DOT1L: variants seen among roughly 807,000 people sequenced by gnomAD.
DOT1L encodes the protein histone-lysine N-methyltransferase, H3 lysine-79 specific.
DOT1L carries 33 observed loss-of-function variants against 153.3 expected under a neutral mutation model. That is an observed-to-expected ratio of 0.22 (90% CI 0.16 to 0.29). DOT1L has a LOEUF of 0.29. Among genes scored for constraint, DOT1L ranks in the 10% least tolerant of loss-of-function variants. DOT1L has a pLI of 1.00. For missense variants in DOT1L, 1,847 were observed against 2,119.9 expected, an observed-to-expected ratio of 0.87 and a Z score of 2.53; for synonymous variants, 1,135 against 965.1, an observed-to-expected ratio of 1.18 and a Z score of -3.26.
In DOT1L at chr19:2,216,345, T is replaced by C; in HGVS notation, c.1988T>C (p.Val663Ala). The change falls in exon 20 of 28, where the codon GTG becomes GCG. Residue 663 changes from valine to alanine, a missense_variant. Physicochemically the swap from Val to Ala is moderately conservative, Grantham distance 64. Around this residue, in one of 8 missense-constraint regions of DOT1L, gnomAD observed 156 missense variants for 235.7 expected, o/e 0.66. Transcript: ENST00000398665. ...GAGCTCCTGCAGCTCAAGTCCTGTG[T>C]GCCGCCTGACGACGCCCTGTCCCTG... is the stretch of plus-strand genomic sequence containing the variant. ...QQELLQLKSC[V>A]PPDDALSLHL... 1 of 1,608,456 alleles carries C rather than the reference T, an allele frequency of 6.2e-7. No homozygotes were observed. The highest frequency in any genetic ancestry group is 8.5e-7 in the Non-Finnish European group (1 of 1,176,678).
At chr19:2,176,758 C>T (rs149883047) in intron 1 of DOT1L, among the ~76,000 whole-genome samples, 5 of 152,328 alleles carry the variant, frequency 3.3e-5, no homozygotes, top group Admixed American at 1.3e-4. Context: ...TTTGAGACAG[C>T]GACTCCCTGT....
At position 2,211,141 on chromosome 19, in the gene DOT1L, C is replaced by A; in HGVS notation, c.1394C>A (p.Pro465Gln). 1 of 1,613,060 alleles carries A rather than the reference C, an allele frequency of 6.2e-7. No individual in the cohort carries two copies. Among genetic ancestry groups the A allele is most frequent in the African/African-American group, 1.3e-5 (1 of 75,058 alleles). Residue 465 changes from proline (P) to glutamine (Q), a missense_variant, in exon 15 of 28, where the codon CCG becomes CAG. By Grantham distance (76) the Pro-to-Gln change is moderately conservative. Around this residue, in one of 8 missense-constraint regions of DOT1L, gnomAD observed 205 missense variants for 203.1 expected, o/e 1.01. Transcript: ENST00000398665. ...CACAGCCCGTTCTACCAGCTACCTC[C>A]GAGCGTGCAGCGGCACTCCCCCAAC... ...SPHSPFYQLP[P>Q]SVQRHSPNPL...
At position 2,218,449 on chromosome 19, in the gene DOT1L, A is replaced by G. The variant is rs181074474; in HGVS notation, c.2691+531A>G. Among the ~76,000 whole-genome samples, 80 of 152,204 alleles carry G rather than the reference A, an allele frequency of 5.3e-4. 2 individuals carry two copies. In the East Asian group the frequency reaches 0.015, roughly 29 times the overall value. ...CACTCTGTCGCCCAGGCTGGAGTGC[A>G]GTGGTGCGATCTCGGCTCACTGCAA... On this transcript the variant is annotated intron_variant, in intron 22 of 27. Coordinates refer to ENST00000398665, the MANE Select transcript of DOT1L (RefSeq NM_032482.3).
chr19:2,216,619 C>T lies in DOT1L; in HGVS notation c.2262C>T (p.His754=), dbSNP rs753524687. The T allele has an allele frequency of 1.7e-5, 27 of 1,606,518 alleles. No homozygotes were observed. In the South Asian group the frequency reaches 1.9e-4, roughly 11 times the overall value. The change falls in exon 20 of 28, where the codon CAC becomes CAT. Residue 754 remains histidine, a synonymous_variant. Transcript: ENST00000398665. ...AGGTGGTGCCCTGTACCCCTAGCCA[C>T]GTCGGCCGGCCGCGCCTGGAGAAGC... is the stretch of plus-strand genomic sequence containing the variant. ...DQEVVPCTPS[H]VGRPRLEKLS...
rs372611602 is a variant in DOT1L, at chr19:2,213,934, C to T, written c.1745C>T (p.Ser582Leu). The T allele has an allele frequency of 8.1e-5, 131 of 1,612,906 alleles. No individual in the cohort carries two copies. Among genetic ancestry groups the T allele is most frequent in the Admixed American group, 1.0e-4 (6 of 60,006 alleles). The change falls in exon 18 of 28, where the codon TCG (serine) becomes TTG (leucine). Residue 582 changes from serine to leucine, a missense_variant. By Grantham distance (145) the Ser-to-Leu change is moderately radical. Coordinates refer to ENST00000398665, the MANE Select transcript of DOT1L (RefSeq NM_032482.3). ...CATAACCAGCAGCTGCGGGAGCAGT[C>T]GGAGCAGCTGGAGCAGGACAACCGC... ...SAHNQQLREQSEQLEQDNRAL... is the reference protein window; with the variant it reads ...SAHNQQLREQLEQLEQDNRAL...
intron 25 of DOT1L, among the ~76,000 whole-genome samples, chr19:2,224,148 G>A (rs2024233241): frequency 1.3e-5 from 2 of 152,232 alleles, no homozygotes; most frequent in South Asian, 2.1e-4. Context: ...TGTCGTGGCT[G>A]GGTGGTGCTC....
chr19:2,216,176 C>A (rs62119661), intron 19 of DOT1L, 105 bp from the exon 20 acceptor site: 52,642 of 1,457,288 alleles, frequency 0.036, 1,151 homozygotes, highest in Non-Finnish European at 0.043. Flanking sequence ...CCCACACAAG[C>A]AGCGGGGGTC....
In DOT1L at chr19:2,231,850, TCCTGCCCACGCA is replaced by T; in HGVS notation, c.*2059_*2070del. 1 of 219,894 alleles carries T rather than the reference TCCTGCCCACGCA, an allele frequency of 4.5e-6. No individual in the cohort carries two copies. Among genetic ancestry groups the T allele is most frequent in the South Asian group, 1.8e-4 (1 of 5,414 alleles). 13.6% of individuals were successfully genotyped at this position (219,894 alleles called of 1,614,324 possible). ...GGTCCTGCAGATGGCCATGCAGGGC[TCCTGCCCACGCA>T]GGCCACCGTATGTTCAGGACACGCA... On this transcript the variant is annotated 3_prime_UTR_variant, in exon 28 of 28. Transcript: ENST00000398665.
chr19:2,218,434 C>CCGA (rs1369039409), intron 22 of DOT1L, among the ~76,000 whole-genome samples: 1 of 152,198 alleles, frequency 6.6e-6, no homozygotes, highest in African/African-American at 2.4e-5. Flanking sequence ...CACTCTGTCG[C>CCGA]CCAGGCTGGA....
At chr19:2,218,765 C>T (rs905555264) in intron 22 of DOT1L, among the ~76,000 whole-genome samples, 12 of 151,180 alleles carry the variant, frequency 7.9e-5, no homozygotes, top group Non-Finnish European at 1.0e-4. Context: ...TGTGTGATCT[C>T]GGCTCACTGC....
intron 1 of DOT1L, among the ~76,000 whole-genome samples, chr19:2,171,538 G>A (rs2021621190): frequency 1.3e-5 from 2 of 152,208 alleles, no homozygotes; most frequent in Non-Finnish European, 2.9e-5. Flanking sequence ...CAGAGCTTGG[G>A]GCAGCCCCAC....
rs752196399 is a variant in DOT1L, at chr19:2,220,205, T to C, written c.2789T>C (p.Leu930Pro). 1 of 1,613,316 alleles carries C rather than the reference T, an allele frequency of 6.2e-7. No individual in the cohort carries two copies. The change falls in exon 23 of 28, where the codon CTT becomes CCT. Residue 930 changes from leucine to proline, a missense_variant. Leu to Pro is a moderately conservative substitution (Grantham distance 98). Around this residue, in one of 8 missense-constraint regions of DOT1L, gnomAD observed 68 missense variants for 80.7 expected, o/e 0.84. Transcript: ENST00000398665. The surrounding 1 kb of genome is among the most constrained non-coding windows in gnomAD (Gnocchi z 4.5). ...GCCCACGGTGCTGGGAGCAGAAGCCTTGCCCTGGCCCCCGCAGGTAACGCC... is the reference window on the plus strand; with the variant it reads ...GCCCACGGTGCTGGGAGCAGAAGCCCTGCCCTGGCCCCCGCAGGTAACGCC... ...ANAHGAGSRS[L>P]ALAPAGFSYA...
At chr19:2,181,145 G>A (rs1008859355) in intron 2 of DOT1L, among the ~76,000 whole-genome samples, 3 of 152,250 alleles carry the variant, frequency 2.0e-5, no homozygotes, top group Non-Finnish European at 4.4e-5. Context: ...GCAGGAGGCG[G>A]AGGCCGTCCT....
Position 2,188,916 on chromosome 19 carries a change from G to A in DOT1L, c.201-816G>A, listed in dbSNP as rs183922371. On this transcript the variant is annotated intron_variant, in intron 3 of 27. Coordinates refer to ENST00000398665, the MANE Select transcript of DOT1L (RefSeq NM_032482.3). Reference sequence around the variant, plus strand: ...GTGGCCGGTGTTTCTTGTGGCTCACGTGCCCCACAGACAGTGGGCACTCCC... The same window carrying A: ...GTGGCCGGTGTTTCTTGTGGCTCACATGCCCCACAGACAGTGGGCACTCCC... 2.5e-3 allele frequency among the ~76,000 whole-genome samples: 383 copies of A among 152,284 alleles called. 1 individual carries two copies. The highest frequency in any genetic ancestry group is 6.6e-3 in the African/African-American group (274 of 41,560).
chr19:2,228,535 G>A (rs1457127651), intron 27 of DOT1L: 1 of 985,328 alleles, frequency 1.0e-6, no homozygotes, highest in Admixed American at 6.1e-5. Context: ...GGTCGCGAGA[G>A]GAGGGACTAC....
At position 2,231,699 on chromosome 19, in the gene DOT1L, C is replaced by G. The variant is rs2024605550; in HGVS notation, c.*1907C>G. 1 of 213,648 alleles carries G rather than the reference C, an allele frequency of 4.7e-6. No homozygotes were observed. Among genetic ancestry groups the G allele is most frequent in the Non-Finnish European group, 9.5e-6 (1 of 105,794 alleles). The allele number at this position is 213,648 out of a possible 1,614,324, so 13.2% of individuals were successfully genotyped here. On this transcript the variant is annotated 3_prime_UTR_variant, in exon 28 of 28. Coordinates refer to ENST00000398665, the MANE Select transcript of DOT1L (RefSeq NM_032482.3). Reference sequence around the variant, plus strand: ...GCAGCCTGCTCTGTGTCGCCACGGGCCGGATACGCCACAGGGTTGATGGCA... The same window carrying G: ...GCAGCCTGCTCTGTGTCGCCACGGGGCGGATACGCCACAGGGTTGATGGCA...
chr19:2,226,724 C>G lies in DOT1L; in HGVS notation c.4203C>G (p.Asp1401Glu), dbSNP rs781327062. Reference sequence around the variant, plus strand: ...GCCTACCGCTGTGCGGGCCCACGGACAAGACCCCACTGCTGAGCGGCAAGG... The same window carrying G: ...GCCTACCGCTGTGCGGGCCCACGGAGAAGACCCCACTGCTGAGCGGCAAGG... ...EGGLPLCGPT[D>E]KTPLLSGKAA... The change falls in exon 27 of 28, where the codon GAC (aspartate) becomes GAG (glutamate). Residue 1401 changes from aspartate (D) to glutamate (E), a missense_variant. Transcript: ENST00000398665. The G allele has an allele frequency of 9.6e-6, 15 of 1,561,630 alleles. No individual in the cohort carries two copies. The highest frequency in any genetic ancestry group is 3.6e-5 in the South Asian group (3 of 84,398).
intron 1 of DOT1L, 133 bp downstream of exon 1, chr19:2,164,398 T>C: frequency 1.9e-6 from 1 of 530,658 alleles, no homozygotes. Context: ...CCACTGTCGC[T>C]GCTCCACCCC....
chr19:2,175,600 G>A (rs1426826392), intron 1 of DOT1L, among the ~76,000 whole-genome samples: 1 of 152,224 alleles, frequency 6.6e-6, no homozygotes, highest in African/African-American at 2.4e-5. Context: ...AGGCTGAGGT[G>A]GGTGGATCAT....
Sources: allele counts gnomAD v4.1 joint callset (sites outside exome capture counted in the v4.1 genomes callset), GRCh38; gene constraint gnomAD v4.1.1; regional missense constraint gnomAD v4.1.1; non-coding constraint Gnocchi (gnomAD v3.1); transcripts MANE v1.5; gene names NCBI Gene and HGNC (gene_info 2026-07-23, HGNC 2026-07-21).